VWA3B: variants seen among roughly 807,000 people sequenced by gnomAD.
VWA3B encodes the protein von Willebrand factor A domain-containing protein 3B.
A neutral mutation model predicts 158.3 loss-of-function variants in VWA3B; 138 were observed. The ratio of observed to expected loss-of-function variants is 0.87; its 90% CI spans 0.76 to 1.00. The LOEUF (loss-of-function observed/expected upper bound fraction) is 1.00, where lower values mean the gene tolerates loss of function less well. VWA3B is among the 50% of genes least tolerant of loss of function. The pLI is 0.00. For synonymous variants in VWA3B, 596 were observed against 587.3 expected (o/e 1.01, Z -0.21); for missense variants, 1,555 against 1,565.1 (o/e 0.99, Z 0.11).
chr2:98,133,342 T>C (rs1409944965), intron 6 of VWA3B, among the ~76,000 whole-genome samples: 1 of 152,116 alleles, frequency 6.6e-6, no homozygotes, highest in African/African-American at 2.4e-5. Flanking sequence ...AAGTGTGTGT[T>C]TGCTGAGTTA....
At chr2:98,208,172 T>A (rs1422843143) in intron 12 of VWA3B, among the ~76,000 whole-genome samples, 1 of 152,060 alleles carries the variant, frequency 6.6e-6, no homozygotes, top group Non-Finnish European at 1.5e-5. Context: ...AATATTAATA[T>A]ACTTATTTTT....
chr2:98,186,949 G>A (rs1286905530), intron 9 of VWA3B, among the ~76,000 whole-genome samples: 6 of 151,934 alleles, frequency 3.9e-5, no homozygotes, highest in Middle Eastern at 3.4e-3. Context: ...CGTGTGTCCC[G>A]GCTTCTCTCA....
rs368447004 is a variant in VWA3B at position 98,234,765 on chromosome 2, A to G, written c.2426A>G (p.Lys809Arg). 6 of 1,614,090 alleles carry G rather than the reference A, an allele frequency of 3.7e-6. No individual in the cohort carries two copies. In the East Asian group the frequency reaches 1.3e-4, roughly 36 times the overall value. ...AGCCGGAGGACTGCTCTAAGTGACAAAGGCAAGCCAGAAAGCATCTCTGTG... is the reference window on the plus strand; with the variant it reads ...AGCCGGAGGACTGCTCTAAGTGACAGAGGCAAGCCAGAAAGCATCTCTGTG... The part of the protein sequence containing the change: ...ASSRRTALSD[K>R]EMSILLAEEW... Residue 809 changes from lysine to arginine, a missense_variant and splice_region_variant, in exon 17 of 28, where the codon AAA (lysine) becomes AGA (arginine). Physicochemically the swap from Lys to Arg is conservative, Grantham distance 26. Coordinates refer to ENST00000477737, the MANE Select transcript of VWA3B (RefSeq NM_144992.5).
At chr2:98,297,788 G>A (rs1432267532) in intron 23 of VWA3B, 119 bp from the exon 24 acceptor site, 2 of 1,247,512 alleles carry the variant, frequency 1.6e-6, no homozygotes, top group Non-Finnish European at 2.1e-6. Flanking sequence ...AAATCAAAGG[G>A]GCACACTGAT....
At chr2:98,097,722 A>G (rs1042680491) in intron 2 of VWA3B, among the ~76,000 whole-genome samples, 3 of 152,174 alleles carry the variant, frequency 2.0e-5, no homozygotes, top group Admixed American at 6.5e-5. Context: ...ATTCCCATAT[A>G]TAAGCATTCT....
In VWA3B at chr2:98,248,794, C is replaced by G. The variant is rs190691409; in HGVS notation, c.2674-1524C>G. On this transcript the variant is annotated intron_variant, in intron 19 of 27. Coordinates refer to ENST00000477737, the MANE Select transcript of VWA3B (RefSeq NM_144992.5). Reference sequence around the variant, plus strand: ...CTCTAAAAACCTATCAGCGTGTGTCCCTTTCTCTCTGTCTCTCTTTCTCTT... The same window carrying G: ...CTCTAAAAACCTATCAGCGTGTGTCGCTTTCTCTCTGTCTCTCTTTCTCTT... 5.3e-5 allele frequency among the ~76,000 whole-genome samples: 8 copies of G among 151,588 alleles called. No homozygotes were observed. In the East Asian group the frequency reaches 1.5e-3, roughly 29 times the overall value.
chr2:98,197,378 C>A (rs996747116), intron 12 of VWA3B, among the ~76,000 whole-genome samples: 1 of 152,126 alleles, frequency 6.6e-6, no homozygotes, highest in East Asian at 1.9e-4. Context: ...CCAAAAGTTA[C>A]CATTTTTTTC....
rs567892976 is a variant in VWA3B at position 98,300,219 on chromosome 2, A to G, written c.3420+3A>G. 2 of 1,613,886 alleles carry G rather than the reference A, an allele frequency of 1.2e-6. No individual in the cohort carries two copies. The highest frequency in any genetic ancestry group is 1.7e-6 in the Non-Finnish European group (2 of 1,179,936). Reference sequence around the variant, plus strand: ...TTTTGAAGTGTAACAACCGGAGAGTAAGTAGATTTTCATTTAGAAAAGGAC... The same window carrying G: ...TTTTGAAGTGTAACAACCGGAGAGTGAGTAGATTTTCATTTAGAAAAGGAC... On this transcript the variant is annotated splice_donor_region_variant and intron_variant, in intron 25 of 27. Transcript: ENST00000477737.
chr2:98,308,267 C>T (rs1373110370), intron 26 of VWA3B, among the ~76,000 whole-genome samples: 4 of 152,168 alleles, frequency 2.6e-5, no homozygotes, highest in African/African-American at 9.7e-5. Flanking sequence ...ATGACGACGG[C>T]ATTCTCTGAC....
chr2:98,256,217 A>T, intron 21 of VWA3B, 43 bp downstream of exon 21: 1 of 1,591,414 alleles, frequency 6.3e-7, no homozygotes, highest in Non-Finnish European at 8.6e-7. Context: ...TTTTGGTGAA[A>T]TTCACGTAAC....
the VWA3B span, among the ~76,000 whole-genome samples, chr2:98,327,788 T>C: frequency 1.3e-5 from 2 of 152,316 alleles, no homozygotes; most frequent in South Asian, 4.1e-4. Flanking sequence ...AACTCAAATT[T>C]TTGCACATCC....
At chr2:98,143,403 C>T (rs762609136) in intron 7 of VWA3B, among the ~76,000 whole-genome samples, 41 of 152,134 alleles carry the variant, frequency 2.7e-4, no homozygotes, top group Non-Finnish European at 4.4e-4. Context: ...TAAACTGTAG[C>T]TACTAGAAAA....
chr2:98,219,030 A>C (rs946906626), intron 14 of VWA3B, among the ~76,000 whole-genome samples: 8 of 152,244 alleles, frequency 5.3e-5, no homozygotes, highest in African/African-American at 1.9e-4. Flanking sequence ...TTTCCAACTA[A>C]CTTAACTGCA....
At chr2:98,312,056 C>G (rs368516004) in intron 27 of VWA3B, 24 bp downstream of exon 27, 1 of 1,591,882 alleles carries the variant, frequency 6.3e-7, no homozygotes, top group Non-Finnish European at 8.6e-7. Context: ...GGGGGGAACA[C>G]AACATCGCTT....
At chr2:98,267,528 G>A (rs1246660829) in intron 21 of VWA3B, among the ~76,000 whole-genome samples, 14 of 152,088 alleles carry the variant, frequency 9.2e-5, no homozygotes, top group African/African-American at 2.7e-4. Flanking sequence ...TCTCTGGGAC[G>A]CATTCATAGC....
At chr2:98,310,744 G>C (rs890353875) in intron 26 of VWA3B, among the ~76,000 whole-genome samples, 1 of 152,148 alleles carries the variant, frequency 6.6e-6, no homozygotes, top group Non-Finnish European at 1.5e-5. Context: ...CCACACAAGC[G>C]CTGGCCTCAG....
At chr2:98,298,736 G>A (rs1415420056) in intron 24 of VWA3B, among the ~76,000 whole-genome samples, 2 of 152,246 alleles carry the variant, frequency 1.3e-5, no homozygotes, top group African/African-American at 4.8e-5. Context: ...CGAATGCAGG[G>A]GTTTATTAAA....
intron 22 of VWA3B, among the ~76,000 whole-genome samples, chr2:98,279,140 G>C (rs1157708600): frequency 6.6e-6 from 1 of 152,178 alleles, no homozygotes; most frequent in South Asian, 2.1e-4. Flanking sequence ...TTATCTAGGG[G>C]TTAGATGGGG....
At chr2:98,317,228 G>A (rs1419461822), downstream of VWA3B, among the ~76,000 whole-genome samples, 1 of 152,132 alleles carries the variant, frequency 6.6e-6, no homozygotes, top group East Asian at 1.9e-4. Flanking sequence ...TTCCCCCTGA[G>A]TTCATGTATT....
Sources: allele counts gnomAD v4.1 joint callset (sites outside exome capture counted in the v4.1 genomes callset), GRCh38; gene constraint gnomAD v4.1.1; transcripts MANE v1.5; gene names NCBI Gene and HGNC (gene_info 2026-07-23, HGNC 2026-07-21).